ESCO1: variants seen among roughly 807,000 people sequenced by gnomAD.
The protein encoded by ESCO1 is N-acetyltransferase ESCO1.
A neutral mutation model predicts 83.5 loss-of-function variants in ESCO1; 33 were observed. The ratio of observed to expected loss-of-function variants is 0.40; its 90% CI spans 0.30 to 0.53. ESCO1 has a LOEUF of 0.53. Among genes scored for constraint, ESCO1 ranks in the 20% least tolerant of loss-of-function variants. The pLI is 0.63. For synonymous variants in ESCO1, 332 were observed against 324.3 expected, an observed-to-expected ratio of 1.02 and a Z score of -0.25; for missense variants, 855 against 968.0, an observed-to-expected ratio of 0.88 and a Z score of 1.55.
chr18:21,589,921 G>T (rs1053330564), intron 1 of ESCO1, among the ~76,000 whole-genome samples: 6 of 148,200 alleles, frequency 4.0e-5, no homozygotes, highest in African/African-American at 1.5e-4. Context: ...TCCGCCTCCC[G>T]GGTTCATGCC....
At chr18:21,592,630 G>C (rs1157512185) in intron 1 of ESCO1, among the ~76,000 whole-genome samples, 1 of 150,208 alleles carries the variant, frequency 6.7e-6, no homozygotes, top group Non-Finnish European at 1.5e-5. Context: ...CTCCCGGACG[G>C]GGCGGCTGGC....
chr18:21,597,653 A>G (rs1465001580), intron 1 of ESCO1, among the ~76,000 whole-genome samples: 1 of 152,148 alleles, frequency 6.6e-6, no homozygotes, highest in African/African-American at 2.4e-5. Context: ...AGTCCTACAT[A>G]ATTTTTAAGA....
chr18:21,590,745 C>G (rs984206684), intron 1 of ESCO1, among the ~76,000 whole-genome samples: 1 of 151,736 alleles, frequency 6.6e-6, no homozygotes, highest in Non-Finnish European at 1.5e-5. Flanking sequence ...GTCAACAGAT[C>G]GAGACCATCC....
intron 2 of ESCO1, among the ~76,000 whole-genome samples, chr18:21,582,732 C>T (rs1408801012): frequency 6.6e-6 from 1 of 152,096 alleles, no homozygotes; most frequent in African/African-American, 2.4e-5. Context: ...AAATTAAAAC[C>T]AACACAAAAT....
At chr18:21,544,704 A>C (rs1000610653) in intron 8 of ESCO1, among the ~76,000 whole-genome samples, 1 of 152,210 alleles carries the variant, frequency 6.6e-6, no homozygotes, top group African/African-American at 2.4e-5. Flanking sequence ...TTACTTCAAA[A>C]TAATTGGGAA....
chr18:21,573,438 G>A lies in ESCO1; in HGVS notation c.1406C>T (p.Thr469Ile), dbSNP rs1408619275. 1.2e-6 allele frequency: 2 copies of A among 1,612,136 alleles called. No individual in the cohort carries two copies. Among genetic ancestry groups the A allele is most frequent in the East Asian group, 2.2e-5 (1 of 44,838 alleles). ...NSEEVKINDI[T>I]VEINKTTERA... ...TTCTGTGGTTTTATTAATTTCTACT[G>A]TAATATCATTAATTTTCACTTCTTC... is the stretch of plus-strand genomic sequence containing the variant. Residue 469 changes from threonine to isoleucine, a missense_variant, in exon 4 of 12, where the codon ACA becomes ATA. Coordinates refer to ENST00000269214, the MANE Select transcript of ESCO1 (RefSeq NM_052911.3).
intron 1 of ESCO1, among the ~76,000 whole-genome samples, chr18:21,589,098 C>T (rs574429993): frequency 1.3e-5 from 2 of 152,060 alleles, no homozygotes; most frequent in East Asian, 3.9e-4. Context: ...AAAAATTACC[C>T]AGGCATGGTG....
intron 10 of ESCO1, among the ~76,000 whole-genome samples, chr18:21,534,938 T>C (rs1409270814): frequency 6.6e-6 from 1 of 152,124 alleles, no homozygotes; most frequent in African/African-American, 2.4e-5. Flanking sequence ...GGGCCTTTTA[T>C]AAAGGTACAG....
At chr18:21,579,784 A>ACG (rs199944972) in intron 2 of ESCO1, among the ~76,000 whole-genome samples, 1,815 of 60,230 alleles carry the variant, frequency 0.03, 55 homozygotes, top group African/African-American at 0.046. Context: ...ACACACACAC[A>ACG]CGCGCGCGCG....
At position 21,532,688 on chromosome 18, in the gene ESCO1, T is replaced by A. The variant is rs201858281; in HGVS notation, c.2188-28A>T. On this transcript the variant is annotated intron_variant, in intron 10 of 11. Coordinates refer to ENST00000269214, the MANE Select transcript of ESCO1 (RefSeq NM_052911.3). ...ACAGGTGTCAAAAATGGGGAAAAAA[T>A]TTAAGTGAGATTATTAATTAGCAAC... 2,753 of 1,598,946 alleles carry A rather than the reference T, an allele frequency of 1.7e-3. 6 individuals are homozygous for A. Among genetic ancestry groups the A allele is most frequent in the Non-Finnish European group, 2.2e-3 (2,587 of 1,171,482 alleles).
At chr18:21,556,701 CTT>C (rs897597712) in intron 8 of ESCO1, among the ~76,000 whole-genome samples, 1 of 147,712 alleles carries the variant, frequency 6.8e-6, no homozygotes, top group African/African-American at 2.5e-5. Context: ...TCTGTCAACT[CTT>C]TTTTTTTTTC....
In ESCO1 at chr18:21,532,537, G is replaced by A. The variant is rs2037780400; in HGVS notation, c.2311C>T (p.Arg771Ter). 2 of 1,614,088 alleles carry A rather than the reference G, an allele frequency of 1.2e-6. No homozygotes were observed. The highest frequency in any genetic ancestry group is 1.3e-5 in the African/African-American group (1 of 75,022). The change falls in exon 11 of 12, where the codon CGA becomes TGA. Residue 771 changes from arginine to a stop codon, truncating the protein, a stop_gained. Coordinates refer to ENST00000269214, the MANE Select transcript of ESCO1 (RefSeq NM_052911.3). LOFTEE classifies it high-confidence loss of function. ...CGCATCATGCTGAATACCCATATTC[G>A]ACTGATCCCGCAGATTGCAGGCTCT... is the stretch of plus-strand genomic sequence containing the variant. ...LPEPAICGISRIWVFSMMRRK... is the reference protein window; with the variant it reads ...LPEPAICGIS
chr18:21,550,016 A>G (rs549964314), intron 8 of ESCO1, among the ~76,000 whole-genome samples: 5 of 152,182 alleles, frequency 3.3e-5, no homozygotes, highest in Non-Finnish European at 7.3e-5. Context: ...TGTAGTAAGA[A>G]AACACCCAAT....
At chr18:21,580,383 G>C (rs2146218827) in intron 2 of ESCO1, among the ~76,000 whole-genome samples, 1 of 152,272 alleles carries the variant, frequency 6.6e-6, no homozygotes, top group African/African-American at 2.4e-5. Context: ...AGCAACACTG[G>C]AAGCAAGATA....
intron 10 of ESCO1, among the ~76,000 whole-genome samples, chr18:21,535,624 C>T (rs1215024720): frequency 1.3e-5 from 2 of 152,160 alleles, no homozygotes; most frequent in African/African-American, 4.8e-5. Context: ...CCTTGTGATC[C>T]TCCCACTTCG....
At chr18:21,553,793 G>A (rs533613479) in intron 8 of ESCO1, among the ~76,000 whole-genome samples, 4 of 150,532 alleles carry the variant, frequency 2.7e-5, no homozygotes, top group Non-Finnish European at 5.9e-5. Context: ...AGAGGTGGAG[G>A]TTGCAGTGAG....
intron 6 of ESCO1, 103 bp downstream of exon 6, chr18:21,566,043 G>A: frequency 9.9e-7 from 1 of 1,005,384 alleles, no homozygotes; most frequent in South Asian, 1.5e-5. Flanking sequence ...AGAATCTGTA[G>A]GTAAACTGAG....
At chr18:21,583,386 G>A (rs1198725002) in intron 2 of ESCO1, among the ~76,000 whole-genome samples, 1 of 152,066 alleles carries the variant, frequency 6.6e-6, no homozygotes, top group Non-Finnish European at 1.5e-5. Flanking sequence ...GCTCACACCT[G>A]TAATCCCAGC....
At chr18:21,559,944 C>T (rs942632556) in intron 8 of ESCO1, among the ~76,000 whole-genome samples, 3 of 151,910 alleles carry the variant, frequency 2.0e-5, no homozygotes, top group African/African-American at 7.3e-5. Flanking sequence ...GAATACAAAC[C>T]CTTCAACCGA....
Sources: gnomAD v4.1 joint callset for allele counts (sites outside exome capture counted in the v4.1 genomes callset) on GRCh38, gnomAD v4.1.1 for gene constraint, MANE v1.5 for transcripts, NCBI Gene and HGNC (gene_info 2026-07-23, HGNC 2026-07-21) for gene names.